GMPS: variants seen among roughly 807,000 people sequenced by gnomAD.
The protein encoded by GMPS is GMP synthase [glutamine-hydrolyzing].
Under a neutral mutation model 77.9 loss-of-function variants are expected in GMPS, and 15 were observed. The ratio of observed to expected loss-of-function variants is 0.19; its 90% confidence interval spans 0.13 to 0.30. GMPS has a LOEUF of 0.30. Among genes scored for constraint, GMPS ranks in the 10% least tolerant of loss-of-function variants. The pLI is 1.00. For missense variants in GMPS, 590 were observed against 838.8 expected, an observed-to-expected ratio of 0.70 and a Z score of 3.66; for synonymous variants, 224 against 275.9, an observed-to-expected ratio of 0.81 and a Z score of 1.86.
In GMPS at chr3:155,914,437, C is replaced by G. The variant is rs1339812781; in HGVS notation, c.905C>G (p.Ser302Cys). 3 of 1,572,304 alleles carry G rather than the reference C, an allele frequency of 1.9e-6. No individual in the cohort carries two copies. Among genetic ancestry groups the G allele is most frequent in the Non-Finnish European group, 2.6e-6 (3 of 1,165,402 alleles). The change falls in exon 8 of 16, where the codon TCT becomes TGT. Residue 302 changes from serine to cysteine, a missense_variant. By Grantham distance (112) the Ser-to-Cys change is moderately radical (BLOSUM62 -1). Coordinates refer to ENST00000496455, the MANE Select transcript of GMPS (RefSeq NM_003875.3). The part of the protein sequence containing the change: ...IQVKVINAAH[S>C]FYNGTTTLPI... ...CCTCCAGTGATAAATGCTGCTCATTCTTTCTACAATGGAACAACAACCCTA... is the reference window on the plus strand; with the variant it reads ...CCTCCAGTGATAAATGCTGCTCATTGTTTCTACAATGGAACAACAACCCTA...
At chr3:155,922,038 T>C in intron 10 of GMPS, 149 bp from the exon 11 acceptor site, 1 of 457,702 alleles carries the variant, frequency 2.2e-6, no homozygotes, top group Non-Finnish European at 3.9e-6. Flanking sequence ...AATGGGAAAC[T>C]AATAGCTACA....
chr3:155,925,166 A>T, intron 11 of GMPS, 75 bp from the exon 12 acceptor site: 1 of 1,295,254 alleles, frequency 7.7e-7, no homozygotes, highest in East Asian at 2.4e-5. Context: ...AAAATACATA[A>T]GATAGTAGTA....
rs1456199895 is a variant in GMPS, at chr3:155,942,374, C to T, written c.*4682C>T. ...GAGTGCTGGGATTACAGGCGTGAGC[C>T]ACCACGCCCGGCAAGCATTTACAGT... On this transcript the variant is annotated 3_prime_UTR_variant, in exon 16 of 16. Coordinates refer to ENST00000496455, the MANE Select transcript of GMPS (RefSeq NM_003875.3). The T allele has an allele frequency of 4.8e-6, 1 of 206,816 alleles. No individual in the cohort carries two copies. The highest frequency in any genetic ancestry group is 2.3e-5 in the African/African-American group (1 of 43,846). 12.8% of individuals were successfully genotyped at this position (206,816 alleles called of 1,614,324 possible).
Position 155,942,955 on chromosome 3 carries a change from G to A in GMPS, c.*5263G>A, listed in dbSNP as rs1055783856. 3.7e-5 allele frequency: 7 copies of A among 186,712 alleles called. No individual in the cohort carries two copies. In the Admixed American group the frequency reaches 4.3e-4, roughly 12 times the overall value. The allele number at this position is 186,712 out of a possible 1,614,324, so 11.6% of individuals were successfully genotyped here. On this transcript the variant is annotated 3_prime_UTR_variant, in exon 16 of 16. Coordinates refer to ENST00000496455, the MANE Select transcript of GMPS (RefSeq NM_003875.3). Reference sequence around the variant, plus strand: ...GGCTCATTAACATATTTGTGACCAGGCACAGTGGCGCATGCCTGTAATCCC... The same window carrying A: ...GGCTCATTAACATATTTGTGACCAGACACAGTGGCGCATGCCTGTAATCCC...
chr3:155,883,448 A>T (rs1754256154), intron 1 of GMPS, among the ~76,000 whole-genome samples: 1 of 152,202 alleles, frequency 6.6e-6, no homozygotes, highest in Admixed American at 6.5e-5. Context: ...TGATAATCAA[A>T]ATTGAGAGTG....
chr3:155,916,684 G>A (rs1185517454), intron 9 of GMPS, among the ~76,000 whole-genome samples: 1 of 152,098 alleles, frequency 6.6e-6, no homozygotes, highest in East Asian at 1.9e-4. Flanking sequence ...GGGCTTTTGG[G>A]TTATTTCCAC....
intron 1 of GMPS, among the ~76,000 whole-genome samples, chr3:155,885,105 G>A (rs1009078417): frequency 1.3e-5 from 2 of 152,222 alleles, no homozygotes; most frequent in African/African-American, 4.8e-5. Flanking sequence ...AAACTAAATA[G>A]TCTTTAATGA....
intron 10 of GMPS, among the ~76,000 whole-genome samples, chr3:155,920,049 C>T (rs532412370): frequency 6.6e-6 from 1 of 152,156 alleles, no homozygotes; most frequent in Non-Finnish European, 1.5e-5. Context: ...TAAGTACTTT[C>T]TATGTGCTAG....
intron 1 of GMPS, among the ~76,000 whole-genome samples, chr3:155,872,173 T>C (rs995434172): frequency 1.3e-4 from 20 of 152,214 alleles, no homozygotes; most frequent in Non-Finnish European, 2.1e-4. Flanking sequence ...AAGGTGCTGC[T>C]CAAGGGTCAC....
chr3:155,928,834 A>G (rs1200706293), intron 12 of GMPS, among the ~76,000 whole-genome samples: 3 of 150,904 alleles, frequency 2.0e-5, no homozygotes, highest in African/African-American at 2.4e-5. Context: ...ATGATTTCCA[A>G]TTTCATCCAT....
chr3:155,923,538 A>G (rs1176351146), intron 11 of GMPS, among the ~76,000 whole-genome samples: 1 of 152,202 alleles, frequency 6.6e-6, no homozygotes, highest in Non-Finnish European at 1.5e-5. Flanking sequence ...GCTGCGGAGA[A>G]CAGATCAATT....
Position 155,942,964 on chromosome 3 carries a change from C to T in GMPS, c.*5272C>T, listed in dbSNP as rs565008314. The T allele has an allele frequency of 5.4e-5, 10 of 185,460 alleles. No individual in the cohort carries two copies. The highest frequency in any genetic ancestry group is 8.8e-5 in the East Asian group (1 of 11,426). The allele number at this position is 185,460 out of a possible 1,614,324, so 11.5% of individuals were successfully genotyped here. On this transcript the variant is annotated 3_prime_UTR_variant, in exon 16 of 16. Coordinates refer to ENST00000496455, the MANE Select transcript of GMPS (RefSeq NM_003875.3). ...ACATATTTGTGACCAGGCACAGTGGCGCATGCCTGTAATCCCAGCACTTTG... is the reference window on the plus strand; with the variant it reads ...ACATATTTGTGACCAGGCACAGTGGTGCATGCCTGTAATCCCAGCACTTTG...
intron 1 of GMPS, 68 bp downstream of exon 1, chr3:155,870,965 C>A: frequency 7.4e-7 from 1 of 1,353,506 alleles, no homozygotes; most frequent in African/African-American, 1.5e-5. Context: ...GGGAGCCACC[C>A]CGCGAGGCCC....
intron 2 of GMPS, among the ~76,000 whole-genome samples, chr3:155,894,684 T>G (rs1431799093): frequency 6.6e-6 from 1 of 152,216 alleles, no homozygotes; most frequent in Non-Finnish European, 1.5e-5. Context: ...TTATTTTTCT[T>G]AAAAGAATTG....
chr3:155,925,400 C>CTT (rs200488171), intron 12 of GMPS, 34 bp downstream of exon 12: 2,390 of 1,235,438 alleles, frequency 1.9e-3, no homozygotes, highest in Non-Finnish European at 2.0e-3. Flanking sequence ...CAGTGATATA[C>CTT]TTTTTTTTTT....
intron 7 of GMPS, among the ~76,000 whole-genome samples, chr3:155,913,953 A>AT (rs1021975962): frequency 1.5e-4 from 22 of 147,332 alleles, no homozygotes; most frequent in South Asian, 1.3e-3. Context: ...TTCTTTTCTT[A>AT]TTTTTTTTTT....
chr3:155,910,568 CAAAAAAA>C (rs772197752), intron 5 of GMPS, 117 bp from the exon 6 acceptor site: 12 of 266,588 alleles, frequency 4.5e-5, no homozygotes, highest in Admixed American at 8.3e-5. Context: ...GACTCTGTCT[CAAAAAAA>C]AAAAAAAAAA....
At position 155,915,979 on chromosome 3, in the gene GMPS, G is replaced by A. The variant is rs1755167513; in HGVS notation, c.1039-40G>A. ...GTATAAACTTTTGCTTTTAAAAAAA[G>A]TTATCTCTTACAAGGCTGTTTTACT... is the stretch of plus-strand genomic sequence containing the variant. On this transcript the variant is annotated intron_variant, in intron 8 of 15. Transcript: ENST00000496455. The A allele has an allele frequency of 9.6e-6, 14 of 1,456,600 alleles. No homozygotes were observed. In the South Asian group the frequency reaches 1.2e-4, roughly 13 times the overall value. 90.2% of individuals were successfully genotyped at this position (1,456,600 alleles called of 1,614,324 possible).
intron 4 of GMPS, 65 bp from the exon 5 acceptor site, chr3:155,906,095 C>A: frequency 2.2e-6 from 2 of 926,502 alleles, no homozygotes; most frequent in Admixed American, 2.6e-5. Flanking sequence ...GTTTCTAAAA[C>A]AAAAGAACCC....
Sources: gnomAD v4.1 joint callset for allele counts (sites outside exome capture counted in the v4.1 genomes callset) on GRCh38, gnomAD v4.1.1 for gene constraint, MANE v1.5 for transcripts, NCBI Gene and HGNC (gene_info 2026-07-23, HGNC 2026-07-21) for gene names.